The following XIRP2 variants were observed in gnomAD, a reference collection of about 807,000 sequenced individuals.
XIRP2 encodes xin actin binding repeat containing 2.
Under a neutral mutation model 277.0 loss-of-function variants are expected in XIRP2, and 236 were observed. The ratio of observed to expected loss-of-function variants is 0.85; its 90% CI spans 0.77 to 0.95. The LOEUF (loss-of-function observed/expected upper bound fraction) is 0.95. XIRP2 is among the 40% of genes least tolerant of loss of function. The pLI is 0.00. For missense variants in XIRP2, 4,640 were observed against 4,157.5 expected, an observed-to-expected ratio of 1.12 and a Z score of -3.19; for synonymous variants, 1,490 against 1,416.5, an observed-to-expected ratio of 1.05 and a Z score of -1.17.
At chr2:167,199,386 A>G (rs542562154) in intron 3 of XIRP2, among the ~76,000 whole-genome samples, 1 of 152,310 alleles carries the variant, frequency 6.6e-6, no homozygotes, top group Admixed American at 6.5e-5. Context: ...CCATTACATT[A>G]CCTTGGCGTA....
At chr2:167,027,383 G>A (rs145797758) in intron 2 of XIRP2, among the ~76,000 whole-genome samples, 2,227 of 152,028 alleles carry the variant, frequency 0.015, 63 homozygotes, top group African/African-American at 0.051. Flanking sequence ...CTCTGCATTG[G>A]CTATTCTAGT....
In XIRP2 at chr2:167,154,236, G is replaced by A. The variant is rs566523982; in HGVS notation, c.562+18174G>A. 1.4e-4 allele frequency among the ~76,000 whole-genome samples: 20 copies of A among 141,156 alleles called. No homozygotes were observed. The East Asian group carries it at 2.5e-3, about 17-fold the overall frequency. 92.6% of individuals were successfully genotyped at this position (141,156 alleles called of 152,430 possible). On this transcript the variant is annotated intron_variant, in intron 3 of 10. Transcript: ENST00000409195. ...TGAGAAGTGTCTGTTCATATCCTTG[G>A]CCACTTTTTGATGGGGTTGTTTGTT...
rs1274813116 is a variant in XIRP2 at position 167,011,281 on chromosome 2, A to C, written c.408+107391A>C. 2.0e-4 allele frequency among the ~76,000 whole-genome samples: 30 copies of C among 151,604 alleles called. No individual in the cohort carries two copies. In the East Asian group the frequency reaches 4.2e-3, roughly 21 times the overall value. ...ATTTTATTGAGAGTTTTTAGCATGA[A>C]GGGTTGTTGAATTTTGTCAAAGGCC... On this transcript the variant is annotated intron_variant, in intron 2 of 10. Coordinates refer to ENST00000409195, the MANE Select transcript of XIRP2 (RefSeq NM_152381.6).
intron 3 of XIRP2, among the ~76,000 whole-genome samples, chr2:167,151,868 T>C (rs2105332153): frequency 6.6e-6 from 1 of 152,268 alleles, no homozygotes; most frequent in East Asian, 1.9e-4. Context: ...CACTGTATTT[T>C]TTAAAAATTC....
rs201646230 is a variant in XIRP2, at chr2:166,935,676, G to GT, written c.408+31786_408+31787insT. 1.5e-3 allele frequency among the ~76,000 whole-genome samples: 227 copies of GT among 152,116 alleles called. 7 individuals carry two copies. In the East Asian group the frequency reaches 0.04, roughly 27 times the overall value. On this transcript the variant is annotated intron_variant, in intron 2 of 10. Coordinates refer to ENST00000409195, the MANE Select transcript of XIRP2 (RefSeq NM_152381.6). Reference sequence around the variant, plus strand: ...GAACATACAGTGTTTGGTTTTTTGTGCCTGTGATAGTTTGCTGAGAATGAT... The same window carrying GT: ...GAACATACAGTGTTTGGTTTTTTGTGTCCTGTGATAGTTTGCTGAGAATGAT...
At position 167,259,226 on chromosome 2, in the gene XIRP2, A is replaced by G. The variant is rs748126655; in HGVS notation, c.*1409A>G. On this transcript the variant is annotated 3_prime_UTR_variant, in exon 11 of 11. Coordinates refer to ENST00000409195, the MANE Select transcript of XIRP2 (RefSeq NM_152381.6). ...TGAAACAACAGAAGCTGCCCGCAAT[A>G]ATGAAAACACAGGTTTTGATGCTCT... The G allele has an allele frequency of 1.2e-6, 2 of 1,613,468 alleles. No individual in the cohort carries two copies. Among genetic ancestry groups the G allele is most frequent in the Non-Finnish European group, 1.7e-6 (2 of 1,179,634 alleles).
chr2:166,976,703 TAC>T (rs1265922330), intron 2 of XIRP2, among the ~76,000 whole-genome samples: 1 of 152,092 alleles, frequency 6.6e-6, no homozygotes, highest in African/African-American at 2.4e-5. Context: ...GCCCCTGTCT[TAC>T]AGTGTTATTC....
chr2:167,096,251 T>G (rs957211074), intron 2 of XIRP2, among the ~76,000 whole-genome samples: 5 of 152,194 alleles, frequency 3.3e-5, no homozygotes, highest in Non-Finnish European at 7.3e-5. Context: ...ATTCAGGGAT[T>G]TGACTTCTTC....
intron 2 of XIRP2, among the ~76,000 whole-genome samples, chr2:167,028,994 G>C (rs905664908): frequency 6.6e-6 from 1 of 151,622 alleles, no homozygotes. Context: ...TTAAAGATAG[G>C]CTCTTTGAAA....
chr2:167,026,909 C>T (rs567285258), intron 2 of XIRP2, among the ~76,000 whole-genome samples: 7 of 152,184 alleles, frequency 4.6e-5, no homozygotes, highest in East Asian at 3.9e-4. Context: ...TGTGGGTAAC[C>T]CGACCTTCTC....
intron 2 of XIRP2, among the ~76,000 whole-genome samples, chr2:167,091,523 C>T (rs1218446383): frequency 1.3e-5 from 2 of 152,000 alleles, no homozygotes; most frequent in Non-Finnish European, 1.5e-5. Flanking sequence ...CTATAATTTC[C>T]ATTGGCTCTT....
chr2:166,943,777 C>T (rs1245231490), intron 2 of XIRP2, among the ~76,000 whole-genome samples: 3 of 152,178 alleles, frequency 2.0e-5, no homozygotes, highest in Non-Finnish European at 2.9e-5. Flanking sequence ...TTCCTTTTCA[C>T]TTTTTCACCA....
intron 2 of XIRP2, among the ~76,000 whole-genome samples, chr2:166,915,316 A>AG: frequency 6.6e-6 from 1 of 151,202 alleles, no homozygotes; most frequent in African/African-American, 2.4e-5. Flanking sequence ...AAAAAAAAAA[A>AG]AAAAAAGAAA....
intron 3 of XIRP2, among the ~76,000 whole-genome samples, chr2:167,173,319 T>A (rs1323879261): frequency 1.3e-5 from 2 of 152,156 alleles, no homozygotes; most frequent in African/African-American, 4.8e-5. Flanking sequence ...CCTTTTACCG[T>A]CTATGTCCAT....
At chr2:167,091,699 G>T (rs1187120126) in intron 2 of XIRP2, among the ~76,000 whole-genome samples, 1 of 151,808 alleles carries the variant, frequency 6.6e-6, no homozygotes, top group East Asian at 1.9e-4. Flanking sequence ...TCATGTTCCT[G>T]GTTATTTCTG....
At chr2:166,900,216 C>G (rs1432068388) in intron 1 of XIRP2, among the ~76,000 whole-genome samples, 1 of 151,934 alleles carries the variant, frequency 6.6e-6, no homozygotes, top group Non-Finnish European at 1.5e-5. Context: ...TTTCTATCAT[C>G]GTATCTTCAA....
chr2:167,114,897 A>G (rs1014822327), intron 2 of XIRP2, among the ~76,000 whole-genome samples: 1 of 152,166 alleles, frequency 6.6e-6, no homozygotes, highest in African/African-American at 2.4e-5. Flanking sequence ...TAGTGCCACA[A>G]TAAACATACG....
At chr2:167,197,008 A>G (rs1429504767) in intron 3 of XIRP2, among the ~76,000 whole-genome samples, 2 of 152,208 alleles carry the variant, frequency 1.3e-5, no homozygotes, top group Non-Finnish European at 2.9e-5. Context: ...CAGCTATATA[A>G]TAATGAGAAA....
chr2:167,146,919 A>T (rs1326139804), intron 3 of XIRP2, among the ~76,000 whole-genome samples: 1 of 152,166 alleles, frequency 6.6e-6, no homozygotes, highest in Non-Finnish European at 1.5e-5. Flanking sequence ...CTGATAACCA[A>T]CTGCTCAATA....
Sources: allele counts gnomAD v4.1 joint callset (sites outside exome capture counted in the v4.1 genomes callset), GRCh38; gene constraint gnomAD v4.1.1; transcripts MANE v1.5; gene names NCBI Gene and HGNC (gene_info 2026-07-23, HGNC 2026-07-21).